The following RYR2 variants were observed in gnomAD, a reference collection of about 807,000 sequenced individuals.
RYR2 encodes the protein cardiac muscle ryanodine receptor-calcium release channel.
Under a neutral mutation model 601.1 loss-of-function variants are expected in RYR2, and 227 were observed. That is an observed-to-expected ratio of 0.38 (90% CI 0.34 to 0.42). The LOEUF is 0.42. Ranked by LOEUF, RYR2 falls within the 10% of genes least tolerant of loss-of-function variation. The pLI, the probability that RYR2 is intolerant of heterozygous loss-of-function variation, is 1.00. For missense variants in RYR2, 4,646 were observed against 6,156.5 expected (o/e 0.75, Z 8.21); for synonymous variants, 2,223 against 2,175.1 (o/e 1.02, Z -0.61).
At chr1:237,354,601 T>G (rs748584536) in intron 3 of RYR2, among the ~76,000 whole-genome samples, 1 of 152,094 alleles carries the variant, frequency 6.6e-6, no homozygotes, top group Non-Finnish European at 1.5e-5. Flanking sequence ...AAGTGCACAA[T>G]TGCACTGTGC....
At chr1:237,178,427 TG>T (rs1678313599) in intron 1 of RYR2, among the ~76,000 whole-genome samples, 1 of 112,408 alleles carries the variant, frequency 8.9e-6, no homozygotes, top group Non-Finnish European at 1.8e-5. Flanking sequence ...TGTGTGTGTG[TG>T]TGTGTGTGTG....
At chr1:237,620,745 A>G (rs1038487544) in intron 38 of RYR2, among the ~76,000 whole-genome samples, 1 of 152,120 alleles carries the variant, frequency 6.6e-6, no homozygotes, top group Non-Finnish European at 1.5e-5. Flanking sequence ...ATAAATATAT[A>G]TGAATTAAAC....
chr1:237,247,092 G>A lies in RYR2; in HGVS notation c.49-23405G>A, dbSNP rs186462667. Among the ~76,000 whole-genome samples, 7 of 152,182 alleles carry A rather than the reference G, an allele frequency of 4.6e-5. No individual in the cohort carries two copies. The East Asian group carries it at 1.2e-3, about 25-fold the overall frequency. ...ACTAGTATAAATATTACTGTCATCTGCTTCTCATTTTAATTTGAAAGAAAA... is the reference window on the plus strand; with the variant it reads ...ACTAGTATAAATATTACTGTCATCTACTTCTCATTTTAATTTGAAAGAAAA... On this transcript the variant is annotated intron_variant, in intron 1 of 104. Transcript: ENST00000366574.
chr1:237,389,936 G>T (rs1200677244), intron 10 of RYR2, among the ~76,000 whole-genome samples: 2 of 152,124 alleles, frequency 1.3e-5, no homozygotes, highest in Non-Finnish European at 2.9e-5. Context: ...TTTGTCGATT[G>T]GGCATGGCCT....
chr1:237,583,246 T>G (rs1004542169), intron 29 of RYR2, among the ~76,000 whole-genome samples: 11 of 152,094 alleles, frequency 7.2e-5, no homozygotes, highest in Non-Finnish European at 7.4e-5. Flanking sequence ...TCTGTTCATG[T>G]TTTTTTGCCC....
chr1:237,118,117 C>A (rs1463589846), intron 1 of RYR2, among the ~76,000 whole-genome samples: 1 of 152,148 alleles, frequency 6.6e-6, no homozygotes, highest in Non-Finnish European at 1.5e-5. Flanking sequence ...CTGCAAATAT[C>A]CTTTCTCCCA....
At chr1:237,633,733 A>T (rs776415010) in intron 43 of RYR2, 23 bp downstream of exon 43, 4 of 1,592,410 alleles carry the variant, frequency 2.5e-6, no homozygotes, top group Non-Finnish European at 1.7e-6. Flanking sequence ...CTTTTATTTC[A>T]TCTTTAAGGT....
intron 91 of RYR2, among the ~76,000 whole-genome samples, chr1:237,787,131 A>G (rs1773471): frequency 0.39 from 59,834 of 151,864 alleles, 12,055 homozygotes; most frequent in East Asian, 0.66. Flanking sequence ...TAATTCCATT[A>G]TTGTTGGAAT....
At chr1:237,674,909 A>G (rs1685265392) in intron 60 of RYR2, 63 bp downstream of exon 60, 2 of 884,848 alleles carry the variant, frequency 2.3e-6, no homozygotes, top group African/African-American at 1.6e-5. Context: ...TTACAACATC[A>G]GGATATAGAA....
chr1:237,446,686 A>C (rs1213370833), intron 14 of RYR2, among the ~76,000 whole-genome samples: 3 of 152,176 alleles, frequency 2.0e-5, no homozygotes, highest in Non-Finnish European at 4.4e-5. Flanking sequence ...TAACCAAAAA[A>C]TGTGCACAGC....
intron 1 of RYR2, among the ~76,000 whole-genome samples, chr1:237,130,753 T>C (rs1042201271): frequency 1.3e-5 from 2 of 152,268 alleles, no homozygotes; most frequent in East Asian, 1.9e-4. Flanking sequence ...TGATCCTGGA[T>C]TATGATCAGG....
chr1:237,382,752 T>A (rs1701637438), intron 8 of RYR2, among the ~76,000 whole-genome samples: 1 of 152,148 alleles, frequency 6.6e-6, no homozygotes, highest in Non-Finnish European at 1.5e-5. Flanking sequence ...AAAATAATGA[T>A]AAAAGAGTGA....
intron 2 of RYR2, among the ~76,000 whole-genome samples, chr1:237,300,902 G>A (rs759924640): frequency 2.6e-5 from 4 of 152,028 alleles, no homozygotes; most frequent in Non-Finnish European, 5.9e-5. Flanking sequence ...AACCAAATAT[G>A]TATTACTGTC....
intron 25 of RYR2, among the ~76,000 whole-genome samples, chr1:237,546,022 A>G (rs1669764484): frequency 6.6e-6 from 1 of 151,300 alleles, no homozygotes; most frequent in Non-Finnish European, 1.5e-5. Flanking sequence ...AAATAAAAGA[A>G]AATACTTTTC....
intron 1 of RYR2, among the ~76,000 whole-genome samples, chr1:237,183,624 A>C (rs1280132449): frequency 6.6e-6 from 1 of 152,242 alleles, no homozygotes. Flanking sequence ...ATACACATAG[A>C]AATGAGTTTT....
chr1:237,538,287 C>G (rs549025345), intron 25 of RYR2, among the ~76,000 whole-genome samples: 2 of 147,644 alleles, frequency 1.4e-5, no homozygotes, highest in African/African-American at 5.0e-5. Context: ...CCCAGCCACT[C>G]GGGAGGCTGA....
chr1:237,609,844 A>G (rs1189128463), intron 35 of RYR2, among the ~76,000 whole-genome samples: 1 of 152,134 alleles, frequency 6.6e-6, no homozygotes, highest in Non-Finnish European at 1.5e-5. Flanking sequence ...TTTATTTCAT[A>G]CTTTCAGTGA....
At chr1:237,584,649 G>GTTTTTTGTTTTTT (rs763528934) in intron 29 of RYR2, among the ~76,000 whole-genome samples, 13 of 72,444 alleles carry the variant, frequency 1.8e-4, no homozygotes, top group African/African-American at 4.3e-4. Context: ...CTCACCACCT[G>GTTTTTTGTTTTTT]TTTTTTTTTT....
intron 1 of RYR2, among the ~76,000 whole-genome samples, chr1:237,174,835 A>G (rs1677837498): frequency 6.6e-6 from 1 of 152,214 alleles, no homozygotes; most frequent in East Asian, 1.9e-4. Flanking sequence ...AAGTATTTCC[A>G]TTTCTAGCAA....
Sources: gnomAD v4.1 joint callset for allele counts (sites outside exome capture counted in the v4.1 genomes callset) on GRCh38, gnomAD v4.1.1 for gene constraint, MANE v1.5 for transcripts, NCBI Gene and HGNC (gene_info 2026-07-23, HGNC 2026-07-21) for gene names.